ZBTB20: variants seen among roughly 807,000 people sequenced by gnomAD.
ZBTB20 encodes the protein zinc finger and BTB domain containing 20.
Under a neutral mutation model 56.9 loss-of-function variants are expected in ZBTB20, and 9 were observed. That is an observed-to-expected ratio of 0.16 (90% CI 0.10 to 0.28). ZBTB20 has a LOEUF of 0.28. Ranked by LOEUF, ZBTB20 falls within the 10% of genes least tolerant of loss-of-function variation. ZBTB20 has a pLI of 1.00. For synonymous variants in ZBTB20, 417 were observed against 420.7 expected, an observed-to-expected ratio of 0.99 and a Z score of 0.11; for missense variants, 655 against 1,003.0, an observed-to-expected ratio of 0.65 and a Z score of 4.69.
chr3:114,541,549 T>G (rs1416701367), intron 6 of ZBTB20, among the ~76,000 whole-genome samples: 1 of 152,126 alleles, frequency 6.6e-6, no homozygotes, highest in African/African-American at 2.4e-5. Flanking sequence ...TTTGCCCATT[T>G]CCTCTAAAAA....
At chr3:114,415,749 T>C (rs1165897840) in intron 7 of ZBTB20, among the ~76,000 whole-genome samples, 1 of 152,072 alleles carries the variant, frequency 6.6e-6, no homozygotes, top group Non-Finnish European at 1.5e-5. Context: ...TACTAATGCA[T>C]CTGAACTCCT....
intron 7 of ZBTB20, among the ~76,000 whole-genome samples, chr3:114,442,721 T>C (rs560668733): frequency 1.3e-5 from 2 of 152,300 alleles, no homozygotes; most frequent in Admixed American, 1.3e-4. Flanking sequence ...GTGATCTACC[T>C]CTTTTTCGTT....
chr3:114,938,929 T>C (rs1400533614), intron 3 of ZBTB20, among the ~76,000 whole-genome samples: 2 of 145,688 alleles, frequency 1.4e-5, no homozygotes, highest in Non-Finnish European at 2.9e-5. Context: ...CTCAGCCATG[T>C]TGGTAGGGAG....
At chr3:114,952,592 C>CA in intron 3 of ZBTB20, among the ~76,000 whole-genome samples, 1 of 146,524 alleles carries the variant, frequency 6.8e-6, no homozygotes, top group African/African-American at 2.6e-5. Context: ...AAACCCCAAA[C>CA]AGAAAAAAAA....
intron 2 of ZBTB20, among the ~76,000 whole-genome samples, chr3:115,000,297 A>G (rs1388176187): frequency 1.3e-5 from 2 of 151,706 alleles, no homozygotes; most frequent in African/African-American, 2.4e-5. Context: ...TATTTTAAAT[A>G]TTGACTAATT....
chr3:114,443,674 G>T (rs915138817), intron 7 of ZBTB20, among the ~76,000 whole-genome samples: 1 of 152,136 alleles, frequency 6.6e-6, no homozygotes, highest in African/African-American at 2.4e-5. Context: ...ACCTCGAGAA[G>T]TATATAAATG....
chr3:114,440,415 T>A (rs766143598), intron 7 of ZBTB20, among the ~76,000 whole-genome samples: 1 of 152,190 alleles, frequency 6.6e-6, no homozygotes, highest in Non-Finnish European at 1.5e-5. Flanking sequence ...CCTTTATTGT[T>A]TTTGAGTGAC....
At chr3:115,047,545 T>C (rs1248236494) in intron 2 of ZBTB20, among the ~76,000 whole-genome samples, 1 of 152,230 alleles carries the variant, frequency 6.6e-6, no homozygotes, top group Non-Finnish European at 1.5e-5. Flanking sequence ...AGAATTTTCA[T>C]ATTTTTATAT....
chr3:114,737,626 A>AT (rs1485081327), intron 5 of ZBTB20, among the ~76,000 whole-genome samples: 1 of 152,278 alleles, frequency 6.6e-6, no homozygotes, highest in African/African-American at 2.4e-5. Context: ...AAATGTGGAA[A>AT]TTTTTTTCAG....
At chr3:114,935,200 T>A (rs1367195480) in intron 3 of ZBTB20, among the ~76,000 whole-genome samples, 1 of 152,206 alleles carries the variant, frequency 6.6e-6, no homozygotes, top group East Asian at 1.9e-4. Flanking sequence ...CCCTACCATG[T>A]TCTTGGCAAC....
chr3:114,748,127 G>C (rs958051729), intron 5 of ZBTB20, among the ~76,000 whole-genome samples: 13 of 152,212 alleles, frequency 8.5e-5, no homozygotes, highest in African/African-American at 3.1e-4. Flanking sequence ...AACATTCAAT[G>C]TGACCAGAGG....
intron 6 of ZBTB20, among the ~76,000 whole-genome samples, chr3:114,546,562 T>C (rs2049910116): frequency 1.3e-5 from 2 of 151,000 alleles, no homozygotes; most frequent in South Asian, 4.2e-4. Context: ...ATACACCTTT[T>C]TTTTTTTTTT....
intron 7 of ZBTB20, among the ~76,000 whole-genome samples, chr3:114,461,349 G>A (rs2109133497): frequency 6.6e-6 from 1 of 151,562 alleles, no homozygotes; most frequent in South Asian, 2.1e-4. Context: ...ACCGAGGCTG[G>A]AGTGCACTGG....
At chr3:114,693,089 A>C (rs971066522) in intron 6 of ZBTB20, among the ~76,000 whole-genome samples, 4 of 152,108 alleles carry the variant, frequency 2.6e-5, no homozygotes, top group African/African-American at 9.7e-5. Flanking sequence ...GAGGGTTTTG[A>C]GTTTTTTCAA....
intron 1 of ZBTB20, among the ~76,000 whole-genome samples, chr3:115,109,459 A>C (rs1392815926): frequency 6.6e-6 from 1 of 152,216 alleles, no homozygotes; most frequent in East Asian, 1.9e-4. Flanking sequence ...ATTAAAAGTT[A>C]TCTCTACTAC....
intron 2 of ZBTB20, among the ~76,000 whole-genome samples, chr3:115,068,804 A>C (rs1044821200): frequency 3.3e-5 from 5 of 151,992 alleles, no homozygotes; most frequent in Admixed American, 2.6e-4. Context: ...CCACTTTGCT[A>C]CCTACTTGCT....
chr3:114,775,770 G>A (rs930659939), intron 5 of ZBTB20, among the ~76,000 whole-genome samples: 2 of 152,148 alleles, frequency 1.3e-5, no homozygotes, highest in Non-Finnish European at 2.9e-5. Flanking sequence ...GAGTGTGACA[G>A]GGAGTTGACA....
At chr3:114,372,452 G>A (rs532817643) in intron 10 of ZBTB20, among the ~76,000 whole-genome samples, 3 of 152,258 alleles carry the variant, frequency 2.0e-5, no homozygotes, top group African/African-American at 4.8e-5. Flanking sequence ...TGTTAGAGTC[G>A]GGAAGGGCCA....
chr3:114,778,984 C>G (rs1033967701), intron 5 of ZBTB20, among the ~76,000 whole-genome samples: 1 of 152,026 alleles, frequency 6.6e-6, no homozygotes, highest in Non-Finnish European at 1.5e-5. Context: ...AATAGTTATC[C>G]CTATACACCT....
Sources: gnomAD v4.1 joint callset for allele counts (sites outside exome capture counted in the v4.1 genomes callset) on GRCh38, gnomAD v4.1.1 for gene constraint, MANE v1.5 for transcripts, NCBI Gene and HGNC (gene_info 2026-07-23, HGNC 2026-07-21) for gene names.